The following C4orf50 variants were observed in gnomAD, a reference collection of about 807,000 sequenced individuals.
C4orf50 encodes the protein chromosome 4 open reading frame 50, also known as uncharacterized protein C4orf50.
Under a neutral mutation model 77.2 loss-of-function variants are expected in C4orf50, and 80 were observed. The observed-to-expected ratio is 1.04, with a 90% CI of 0.87 to 1.25. C4orf50 has a LOEUF of 1.25. Among genes scored for constraint, C4orf50 ranks in the 50% most tolerant of loss-of-function variants. The pLI is 0.00. For synonymous variants in C4orf50, 532 were observed against 465.3 expected, an observed-to-expected ratio of 1.14 and a Z score of -1.84; for missense variants, 1,257 against 1,152.9, an observed-to-expected ratio of 1.09 and a Z score of -1.31.
intron 31 of C4orf50, among the ~76,000 whole-genome samples, chr4:5,972,495 A>G (rs373868726): frequency 6.6e-6 from 1 of 152,312 alleles, no homozygotes. Context: ...AGTTCTGCCT[A>G]TGAATTGAGT....
intron 7 of C4orf50, among the ~76,000 whole-genome samples, chr4:5,926,098 T>C (rs1340366702): frequency 6.6e-6 from 1 of 152,176 alleles, no homozygotes; most frequent in Non-Finnish European, 1.5e-5. Context: ...GCCCAACGTG[T>C]CTTTCAATAA....
chr4:5,973,907 G>A, intron 30 of C4orf50, 66 bp from the exon 9 acceptor site: 3 of 1,308,222 alleles, frequency 2.3e-6, no homozygotes, highest in Non-Finnish European at 3.1e-6. Context: ...CTGGAGGGCT[G>A]GGGGCCGGAG....
downstream of C4orf50, among the ~76,000 whole-genome samples, chr4:5,952,428 T>C (rs1718767961): frequency 6.6e-6 from 1 of 152,166 alleles, no homozygotes; most frequent in African/African-American, 2.4e-5. The surrounding 1 kb of genome is among the most constrained non-coding windows in gnomAD (Gnocchi z 4.4). Flanking sequence ...GGCAGGCACC[T>C]CCAGGGCGAG....
chr4:5,990,899 C>T, intron 27 of C4orf50, 75 bp from the exon 6 acceptor site: 1 of 398,510 alleles, frequency 2.5e-6, no homozygotes, highest in African/African-American at 2.1e-5. Flanking sequence ...CACTCACCTC[C>T]TGGGGTTCTC....
intron 7 of C4orf50, chr4:5,899,202 G>A (rs1716246787): frequency 6.6e-6 from 1 of 152,172 alleles, no homozygotes; most frequent in Admixed American, 6.5e-5. Context: ...TCAAAGCTAG[G>A]TAGGAATGCA....
intron 7 of C4orf50, among the ~76,000 whole-genome samples, chr4:5,921,436 C>A (rs77091463): frequency 6.6e-6 from 1 of 152,056 alleles, no homozygotes; most frequent in East Asian, 1.9e-4. Flanking sequence ...TAGACGGTGG[C>A]ACATGTTATG....
exon 28 of C4orf50, chr4:5,989,650 C>G: frequency 6.5e-7 from 1 of 1,536,158 alleles, no homozygotes; most frequent in Non-Finnish European, 8.7e-7. Flanking sequence ...TGTGAGTGCA[C>G]ACCTGTTGTG....
downstream of C4orf50, among the ~76,000 whole-genome samples, chr4:5,954,429 G>A (rs964661449): frequency 1.3e-5 from 2 of 152,140 alleles, no homozygotes; most frequent in Admixed American, 6.5e-5. The surrounding 1 kb of genome is among the most constrained non-coding windows in gnomAD (Gnocchi z 4.7). Context: ...GCCATGGCTG[G>A]AGGGCCCCAG....
chr4:6,005,967 C>T (rs144847743), intron 25 of C4orf50, among the ~76,000 whole-genome samples: 19 of 152,250 alleles, frequency 1.2e-4, no homozygotes, highest in East Asian at 3.9e-4. Context: ...TAAAGTCTTA[C>T]GTTTAGGAAA....
chr4:5,955,381 C>T (rs1372155580), downstream of C4orf50, among the ~76,000 whole-genome samples: 1 of 152,074 alleles, frequency 6.6e-6, no homozygotes, highest in Non-Finnish European at 1.5e-5. The surrounding 1 kb of genome is among the most constrained non-coding windows in gnomAD (Gnocchi z 5.1). Context: ...TCACCTGCCT[C>T]CAGCGTTACA....
chr4:6,011,067 C>A lies in C4orf50; in HGVS notation c.426+763G>T, dbSNP rs75421290. ...GCCTCTGCCTCCAGAGCCCCCCACC[C>A]TTAACTGCCCACTGCTTCTCCAGAG... On this transcript the variant is annotated intron_variant, in intron 24 of 33. Transcript: ENST00000531445. The surrounding 1 kb of genome is among the most constrained non-coding windows in gnomAD (Gnocchi z 4.2). Among the ~76,000 whole-genome samples the A allele has an allele frequency of 7.4e-3, 1,132 of 152,322 alleles. 14 individuals carry two copies. The highest frequency in any genetic ancestry group is 0.026 in the African/African-American group (1,083 of 41,580).
In C4orf50 at chr4:6,015,278, C is replaced by G. The variant is rs1722640766; in HGVS notation, c.287+2867G>C. On this transcript the variant is annotated intron_variant, in intron 23 of 33. Coordinates refer to ENST00000531445, the Ensembl canonical transcript of C4orf50. The surrounding 1 kb of genome is among the most constrained non-coding windows in gnomAD (Gnocchi z 4.4). ...GAAAGTCATGAGCGTGGGCCCAGAT[C>G]CAATCCGACTGGGGTCCTTGTAAGA... 6.6e-6 allele frequency among the ~76,000 whole-genome samples: 1 copy of G among 152,088 alleles called. No homozygotes were observed. Among genetic ancestry groups the G allele is most frequent in the Non-Finnish European group, 1.5e-5 (1 of 68,036 alleles).
intron 7 of C4orf50, among the ~76,000 whole-genome samples, chr4:5,914,917 T>C (rs1405203894): frequency 6.6e-6 from 1 of 152,244 alleles, no homozygotes; most frequent in Non-Finnish European, 1.5e-5. Flanking sequence ...ATTTCCCTAC[T>C]AGGATAAATT....
At chr4:5,974,812 T>C (rs1720157720) in intron 30 of C4orf50, among the ~76,000 whole-genome samples, 1 of 152,142 alleles carries the variant, frequency 6.6e-6, no homozygotes, top group Non-Finnish European at 1.5e-5. Context: ...TAAACATAAA[T>C]GTCTAGATAC....
intron 7 of C4orf50, among the ~76,000 whole-genome samples, chr4:5,939,621 C>G (rs1718178489): frequency 6.6e-6 from 1 of 152,200 alleles, no homozygotes; most frequent in Admixed American, 6.5e-5. Context: ...CTACTCCCCA[C>G]CCTGCACAGC....
Position 5,932,125 on chromosome 4 carries a change from A to T in C4orf50, c.*2474+24776T>A, listed in dbSNP as rs1243965947. 6.9e-6 allele frequency among the ~76,000 whole-genome samples: 1 copy of T among 145,842 alleles called. No individual in the cohort carries two copies. The highest frequency in any genetic ancestry group is 1.5e-5 in the Non-Finnish European group (1 of 67,398). ...CTCTTGCCCCCCTCTCAGCTGAGGA[A>T]GGCAGGTGTAACTCACTAACCTGCC... On this transcript the variant is annotated intron_variant, in intron 7 of 7. Transcript: ENST00000324058. The surrounding 1 kb of genome is among the most constrained non-coding windows in gnomAD (Gnocchi z 4.2).
chr4:5,959,592 C>T lies in C4orf50; in HGVS notation c.4310G>A (p.Gly1437Glu). Residue 1437 changes from glycine to glutamate, a missense_variant, in exon 34 of 34, where the codon GGA (glycine) becomes GAA (glutamate). Transcript: ENST00000531445. ...CACAGTGACCGCTGCCAGGCACGTT[C>T]CAGGATCAAGCGTGGACACCAAGGA... The T allele has an allele frequency of 1.9e-6, 3 of 1,614,098 alleles. No individual in the cohort carries two copies. In the South Asian group the frequency reaches 3.3e-5, roughly 18 times the overall value.
intron 30 of C4orf50, among the ~76,000 whole-genome samples, chr4:5,974,822 C>A (rs191831763): frequency 6.6e-6 from 1 of 151,416 alleles, no homozygotes; most frequent in Non-Finnish European, 1.5e-5. Context: ...TGTCTAGATA[C>A]GTGGAGAAAA....
chr4:6,005,511 C>A (rs549686967), intron 25 of C4orf50, among the ~76,000 whole-genome samples: 229 of 152,302 alleles, frequency 1.5e-3, no homozygotes, highest in African/African-American at 5.2e-3. Flanking sequence ...TAACAAACTC[C>A]GATCCCAGGA....
Sources: gnomAD v4.1 joint callset for allele counts (sites outside exome capture counted in the v4.1 genomes callset) on GRCh38, gnomAD v4.1.1 for gene constraint, Gnocchi (gnomAD v3.1) non-coding constraint, MANE v1.5 for transcripts, NCBI Gene and HGNC (gene_info 2026-07-23, HGNC 2026-07-21) for gene names.